Variants in ZNF19 observed in about 807,000 individuals in gnomAD.
ZNF19 encodes the protein zinc finger protein 19, also known as zinc finger protein 19 (KOX 12).
Under a neutral mutation model 13.1 loss-of-function variants are expected in ZNF19, and 11 were observed. The observed-to-expected ratio is 0.84, with a 90% confidence interval of 0.53 to 1.39. The LOEUF (loss-of-function observed/expected upper bound fraction) is 1.39. ZNF19 is among the 40% of genes most tolerant of loss of function. The probability of loss-of-function intolerance (pLI) is 0.00; values close to 1 mark genes in which losing one functional copy is unlikely to be tolerated. For missense variants in ZNF19, 560 were observed against 547.0 expected, an observed-to-expected ratio of 1.02 and a Z score of -0.24; for synonymous variants, 186 against 187.0, an observed-to-expected ratio of 0.99 and a Z score of 0.04.
intron 2 of ZNF19, among the ~76,000 whole-genome samples, chr16:71,482,751 G>C (rs2043645766): frequency 6.6e-6 from 1 of 152,100 alleles, no homozygotes; most frequent in Non-Finnish European, 1.5e-5. Context: ...ACCTGGGCTG[G>C]AGTGCAATGG....
chr16:71,485,001 T>C (rs964744544), intron 1 of ZNF19, among the ~76,000 whole-genome samples: 1 of 152,160 alleles, frequency 6.6e-6, no homozygotes, highest in Non-Finnish European at 1.5e-5. Context: ...TTTCATCACG[T>C]TGGTAAAGCT....
intron 1 of ZNF19, 74 bp from the exon 2 acceptor site, chr16:71,484,822 G>T: frequency 1.3e-6 from 1 of 752,786 alleles, no homozygotes; most frequent in South Asian, 6.1e-5. Flanking sequence ...TTCTATGTTG[G>T]CAACAAACTA....
At chr16:71,482,267 A>C in intron 2 of ZNF19, 124 bp from the exon 3 acceptor site, 1 of 779,072 alleles carries the variant, frequency 1.3e-6, no homozygotes, top group Non-Finnish European at 2.1e-6. Flanking sequence ...TTAGTGGTGC[A>C]TAAATATGTA....
rs769426002 is a variant in ZNF19, at chr16:71,474,607, C to G, written c.*563G>C. On this transcript the variant is annotated 3_prime_UTR_variant, in exon 6 of 6. Coordinates refer to ENST00000288177, the MANE Select transcript of ZNF19 (RefSeq NM_006961.4). ...GGTTGAGGAGCTGCCATGACTATAA[C>G]TAAAGACTTTCCCATATATCATACA... The G allele has an allele frequency of 4.5e-5, 7 of 153,872 alleles. No individual in the cohort carries two copies. The highest frequency in any genetic ancestry group is 7.2e-5 in the Non-Finnish European group (5 of 69,332). The allele number at this position is 153,872 out of a possible 1,614,324, so 9.5% of individuals were successfully genotyped here.
intron 2 of ZNF19, 21 bp downstream of exon 2, chr16:71,484,568 G>C (rs913527707): frequency 1.0e-6 from 1 of 985,290 alleles, no homozygotes; most frequent in Non-Finnish European, 1.2e-6. Context: ...GGACTCCTAG[G>C]CGACAAACCC....
At chr16:71,482,348 G>C (rs769609169) in intron 2 of ZNF19, 13 of 551,292 alleles carry the variant, frequency 2.4e-5, no homozygotes, top group Non-Finnish European at 3.9e-5. Flanking sequence ...TAAGTAACTT[G>C]TCCTAGGACA....
chr16:71,485,080 T>C lies in ZNF19; in HGVS notation c.-189-332A>G, dbSNP rs989985603. ...TGTATGTTCATTGGTTTTGAAGGTG[T>C]CACCAGACTGCCAAAGGGTCTTTGC... On this transcript the variant is annotated intron_variant, in intron 1 of 5. Transcript: ENST00000288177. 2.9e-4 allele frequency among the ~76,000 whole-genome samples: 44 copies of C among 152,160 alleles called. 2 individuals are homozygous for C. The highest frequency in any genetic ancestry group is 2.9e-5 in the Non-Finnish European group (2 of 68,036).
chr16:71,478,452 TGGA>T (rs1180020880), intron 4 of ZNF19, 111 bp from the exon 5 acceptor site: 5 of 789,962 alleles, frequency 6.3e-6, no homozygotes, highest in Non-Finnish European at 4.4e-6. Context: ...GGTTCTCGAC[TGGA>T]GAAGGCCAAA....
At chr16:71,482,974 A>G (rs1208410087) in intron 2 of ZNF19, among the ~76,000 whole-genome samples, 1 of 152,254 alleles carries the variant, frequency 6.6e-6, no homozygotes, top group Non-Finnish European at 1.5e-5. Flanking sequence ...AAGTGATGGG[A>G]TTACAGGCGT....
chr16:71,475,322 C>T lies in ZNF19; in HGVS notation c.1225G>A (p.Gly409Arg). ...TTGCTACACTCATAGGGTTTCTCTC[C>T]AGTATGGATTCTTTGATGCTGATGA... The part of the protein sequence containing the change: ...NLHQHQRIHT[G>R]EKPYECSKYE... The change falls in exon 6 of 6, where the codon GGA becomes AGA. Residue 409 changes from glycine (G) to arginine (R), a missense_variant. Gly to Arg is a moderately radical substitution (Grantham distance 125). Coordinates refer to ENST00000288177, the MANE Select transcript of ZNF19 (RefSeq NM_006961.4). 2 of 1,614,186 alleles carry T rather than the reference C, an allele frequency of 1.2e-6. No individual in the cohort carries two copies. The highest frequency in any genetic ancestry group is 1.7e-6 in the Non-Finnish European group (2 of 1,180,032).
At chr16:71,487,023 GAA>G (rs960048698) in intron 1 of ZNF19, 4 of 152,098 alleles carry the variant, frequency 2.6e-5, no homozygotes, top group African/African-American at 9.7e-5. Flanking sequence ...CATTTGTCTG[GAA>G]AGTCTCCCAG....
chr16:71,486,804 T>C (rs1335000575), intron 1 of ZNF19, among the ~76,000 whole-genome samples: 1 of 152,196 alleles, frequency 6.6e-6, no homozygotes, highest in Non-Finnish European at 1.5e-5. Context: ...ATTACATAAA[T>C]GACCATTAAG....
chr16:71,483,134 G>A (rs1354268309), intron 2 of ZNF19, among the ~76,000 whole-genome samples: 7 of 152,210 alleles, frequency 4.6e-5, no homozygotes, highest in Non-Finnish European at 1.0e-4. Flanking sequence ...AAAAATCTCA[G>A]AGCAAGTCTT....
rs1288885542 is a variant in ZNF19 at position 71,476,053 on chromosome 16, T to G, written c.494A>C (p.Glu165Ala). The stretch of plus-strand genomic sequence containing the variant: ...AAAGTAGCTGAAGGATTTCCCACAC[T>G]CCTCACATATGAAAGGTTTCCTTGC... The part of the protein sequence containing the change: ...PCARKPFICE[E>A]CGKSFSYFSY... Residue 165 changes from glutamate to alanine, a missense_variant, in exon 6 of 6, where the codon GAG (glutamate) becomes GCG (alanine). Physicochemically the swap from Glu to Ala is moderately radical, Grantham distance 107 (BLOSUM62 -1). Coordinates refer to ENST00000288177, the MANE Select transcript of ZNF19 (RefSeq NM_006961.4). 1.2e-5 allele frequency: 20 copies of G among 1,614,074 alleles called. No homozygotes were observed. Among genetic ancestry groups the G allele is most frequent in the Non-Finnish European group, 1.6e-5 (19 of 1,180,020 alleles).
chr16:71,484,004 A>G (rs2043655922), intron 2 of ZNF19, among the ~76,000 whole-genome samples: 1 of 152,250 alleles, frequency 6.6e-6, no homozygotes, highest in African/African-American at 2.4e-5. Context: ...GCCATGTTCT[A>G]GTAGTGAAGG....
Position 71,482,182 on chromosome 16 carries a change from C to T in ZNF19, c.-29-39G>A. 5 of 1,600,550 alleles carry T rather than the reference C, an allele frequency of 3.1e-6. No individual in the cohort carries two copies. In the South Asian group the frequency reaches 5.6e-5, roughly 18 times the overall value. On this transcript the variant is annotated intron_variant, in intron 2 of 5. Coordinates refer to ENST00000288177, the MANE Select transcript of ZNF19 (RefSeq NM_006961.4). The stretch of plus-strand genomic sequence containing the variant: ...CAGAGAGAACCAACAGTGAGCTCAG[C>T]CCAGTAAAATGCTCTCTTTAGAGCA...
chr16:71,484,448 G>C lies in ZNF19; in HGVS notation c.-30+141C>G, dbSNP rs1015562624. The C allele has an allele frequency of 1.1e-5, 10 of 927,310 alleles. No individual in the cohort carries two copies. In the African/African-American group the frequency reaches 1.6e-4, roughly 15 times the overall value. The allele number at this position is 927,310 out of a possible 1,614,324, so 57.4% of individuals were successfully genotyped here. On this transcript the variant is annotated intron_variant, in intron 2 of 5. Coordinates refer to ENST00000288177, the MANE Select transcript of ZNF19 (RefSeq NM_006961.4). ...CAGAGGGAGACCGGGACCGGCCCGC[G>C]AGCAGCCTCCGCTCCCCGGTCCCGG...
At chr16:71,479,508 T>C (rs924858849) in intron 3 of ZNF19, among the ~76,000 whole-genome samples, 1 of 152,166 alleles carries the variant, frequency 6.6e-6, no homozygotes, top group African/African-American at 2.4e-5. Context: ...TTTGCACTGA[T>C]GGGCCTATCT....
At chr16:71,476,363 A>G in intron 5 of ZNF19, 91 bp from the exon 6 acceptor site, 1 of 1,383,304 alleles carries the variant, frequency 7.2e-7, no homozygotes, top group Non-Finnish European at 9.6e-7. Context: ...TTTAAAAGAG[A>G]TCATTTCAAC....
Sources: allele counts gnomAD v4.1 joint callset (sites outside exome capture counted in the v4.1 genomes callset), GRCh38; gene constraint gnomAD v4.1.1; transcripts MANE v1.5; gene names NCBI Gene and HGNC (gene_info 2026-07-23, HGNC 2026-07-21).